The following LIFR variants were observed in gnomAD, a reference collection of about 807,000 sequenced individuals.
LIFR encodes the protein LIF receptor subunit alpha.
Under a neutral mutation model 122.2 loss-of-function variants are expected in LIFR, and 84 were observed. That is an observed-to-expected ratio of 0.69 (90% CI 0.58 to 0.82). The LOEUF (loss-of-function observed/expected upper bound fraction) is 0.82. LIFR is among the 40% of genes least tolerant of loss of function. The probability of loss-of-function intolerance (pLI) is 0.00; values close to 1 mark genes in which losing one functional copy is unlikely to be tolerated. For missense variants in LIFR, 1,294 were observed against 1,311.6 expected (o/e 0.99, Z 0.21); for synonymous variants, 422 against 434.7 (o/e 0.97, Z 0.36).
intron 1 of LIFR, among the ~76,000 whole-genome samples, chr5:38,540,884 C>A (rs991834039): frequency 3.2e-4 from 48 of 152,036 alleles, no homozygotes; most frequent in African/African-American, 1.0e-3. Context: ...TTAAAAAATT[C>A]TTGTCTTGCT....
chr5:38,478,952 G>C lies in LIFR; in HGVS notation c.*2643C>G, dbSNP rs562713423. 4.3e-6 allele frequency: 1 copy of C among 230,066 alleles called. No homozygotes were observed. The highest frequency in any genetic ancestry group is 8.6e-6 in the Non-Finnish European group (1 of 116,038). 14.3% of individuals were successfully genotyped at this position (230,066 alleles called of 1,614,324 possible). A position where few individuals can be genotyped will look rare whatever the true frequency, so the allele number is the denominator to read the frequency against. ...TTGTAGCTTCCAAGGGAGAAGCCACGAATCTAACTGGACAGAGCACAATCA... is the reference window on the plus strand; with the variant it reads ...TTGTAGCTTCCAAGGGAGAAGCCACCAATCTAACTGGACAGAGCACAATCA... On this transcript the variant is annotated 3_prime_UTR_variant, in exon 20 of 20. Transcript: ENST00000453190.
At chr5:38,567,880 A>G (rs1749079328) in intron 1 of LIFR, among the ~76,000 whole-genome samples, 1 of 152,072 alleles carries the variant, frequency 6.6e-6, no homozygotes, top group African/African-American at 2.4e-5. Context: ...CCCCCAGAGC[A>G]ACTTAGGAAC....
At position 38,511,930 on chromosome 5, in the gene LIFR, G is replaced by A. The variant is rs377651108; in HGVS notation, c.596C>T (p.Thr199Ile). 1 of 1,614,002 alleles carries A rather than the reference G, an allele frequency of 6.2e-7. No individual in the cohort carries two copies. Among genetic ancestry groups the A allele is most frequent in the Non-Finnish European group, 8.5e-7 (1 of 1,180,004 alleles). The change falls in exon 6 of 20, where the codon ACA (threonine) becomes ATA (isoleucine). Residue 199 changes from threonine to isoleucine, a missense_variant. Transcript: ENST00000453190. ...THNTTLNGKD[T>I]LHHWSWASDM... is the part of the protein sequence containing the mutation. Reference sequence around the variant, plus strand: ...TGAGGCCCAACTCCAGTGATGAAGTGTATCTTTGCCATTCAGAGTTGTGTT... The same window carrying A: ...TGAGGCCCAACTCCAGTGATGAAGTATATCTTTGCCATTCAGAGTTGTGTT...
At chr5:38,499,438 T>A in intron 12 of LIFR, 75 bp downstream of exon 12, 1 of 1,018,024 alleles carries the variant, frequency 9.8e-7, no homozygotes, top group East Asian at 2.4e-5. Flanking sequence ...AGCTCCTTGA[T>A]AACCCAAGTA....
rs1355660599 is a variant in LIFR at position 38,481,856 on chromosome 5, A to G, written c.3033T>C (p.Ser1011=). 1.9e-6 allele frequency: 3 copies of G among 1,614,056 alleles called. No individual in the cohort carries two copies. Among genetic ancestry groups the G allele is most frequent in the African/African-American group, 1.3e-5 (1 of 74,922 alleles). The part of the protein sequence containing the change: ...YKPQMHLPIN[S]TVEDIAAEED... ...CTTCTGCAGCTATATCTTCCACAGTAGAATTAATGGGGAGGTGCATCTGTG... is the reference window on the plus strand; with the variant it reads ...CTTCTGCAGCTATATCTTCCACAGTGGAATTAATGGGGAGGTGCATCTGTG... The change falls in exon 20 of 20, where the codon TCT becomes TCC. Residue 1011 remains serine (S), a synonymous_variant. Transcript: ENST00000453190.
chr5:38,576,525 C>T lies in LIFR; in HGVS notation c.-20+18736G>A, dbSNP rs73072804. Among the ~76,000 whole-genome samples, 764 of 152,272 alleles carry T rather than the reference C, an allele frequency of 5.0e-3. 11 individuals are homozygous for T. The highest frequency in any genetic ancestry group is 0.017 in the African/African-American group (715 of 41,552). On this transcript the variant is annotated intron_variant, in intron 1 of 19. Transcript: ENST00000263409. ...GCCTAGCTTTCCATGACAGACTTGCCAGCATTTTCTTGGTTCCACTTGACT... is the reference window on the plus strand; with the variant it reads ...GCCTAGCTTTCCATGACAGACTTGCTAGCATTTTCTTGGTTCCACTTGACT...
At chr5:38,582,614 A>C (rs1221338765) in intron 1 of LIFR, among the ~76,000 whole-genome samples, 1 of 152,212 alleles carries the variant, frequency 6.6e-6, no homozygotes, top group Non-Finnish European at 1.5e-5. Flanking sequence ...TTAAAAAGAC[A>C]AGGCCAGCAA....
intron 1 of LIFR, among the ~76,000 whole-genome samples, chr5:38,567,912 C>G (rs1231503435): frequency 6.6e-6 from 1 of 152,196 alleles, no homozygotes; most frequent in Non-Finnish European, 1.5e-5. Flanking sequence ...CTCATTCTCT[C>G]CCTACACCTC....
intron 1 of LIFR, among the ~76,000 whole-genome samples, chr5:38,569,364 C>CCTGCTCAGCAGGAGGTGAGAAGCAGGAGG (rs1402772280): frequency 8.3e-4 from 126 of 151,920 alleles, no homozygotes; most frequent in African/African-American, 2.6e-3. Flanking sequence ...TGTTAGGAAC[C>CCTGCTCAGCAGGAGGTGAGAAGCAGGAGG]CTGCTCAGCA....
At chr5:38,573,113 G>T (rs1281755582) in intron 1 of LIFR, among the ~76,000 whole-genome samples, 4 of 152,202 alleles carry the variant, frequency 2.6e-5, no homozygotes, top group Non-Finnish European at 4.4e-5. Context: ...GCTCACAAGA[G>T]CTTAATGTGT....
intron 1 of LIFR, among the ~76,000 whole-genome samples, chr5:38,569,570 G>A (rs1268717139): frequency 6.6e-6 from 1 of 152,124 alleles, no homozygotes; most frequent in Non-Finnish European, 1.5e-5. Context: ...TGTGATCTGA[G>A]GTGGAACAGT....
At chr5:38,502,438 T>C (rs922689753) in intron 11 of LIFR, among the ~76,000 whole-genome samples, 199 bp downstream of exon 11, 4 of 152,062 alleles carry the variant, frequency 2.6e-5, no homozygotes, top group Admixed American at 2.0e-4. Flanking sequence ...TTTGTATTTT[T>C]AGTAGAGATG....
At position 38,581,621 on chromosome 5, in the gene LIFR, A is replaced by G. The variant is rs570192903; in HGVS notation, c.-20+13640T>C. Among the ~76,000 whole-genome samples the G allele has an allele frequency of 2.6e-5, 4 of 152,258 alleles. No individual in the cohort carries two copies. The East Asian group carries it at 7.7e-4, about 29-fold the overall frequency. ...TTCCAAGAGTCTTCTTTTTTCTGGG[A>G]CTGAAGTGAAATGAGCAGGTCCTTT... On this transcript the variant is annotated intron_variant, in intron 1 of 19. Transcript: ENST00000263409.
intron 5 of LIFR, among the ~76,000 whole-genome samples, chr5:38,520,077 A>T (rs971835644): frequency 6.6e-6 from 1 of 152,166 alleles, no homozygotes; most frequent in Non-Finnish European, 1.5e-5. Flanking sequence ...ACTAATTTAC[A>T]TTCCCAGTCG....
At chr5:38,605,853 G>T (rs1021656675) in intron 2 of LIFR, among the ~76,000 whole-genome samples, 1 of 152,056 alleles carries the variant, frequency 6.6e-6, no homozygotes, top group Non-Finnish European at 1.5e-5. Flanking sequence ...GAGTTGTCCC[G>T]CCTTTCCAGA....
upstream of LIFR, among the ~76,000 whole-genome samples, chr5:38,599,179 G>A (rs977447590): frequency 2.0e-5 from 3 of 152,158 alleles, no homozygotes; most frequent in Non-Finnish European, 2.9e-5. Flanking sequence ...AGTGAGTCAG[G>A]GATAAGGGTT....
intron 13 of LIFR, among the ~76,000 whole-genome samples, chr5:38,495,616 A>C (rs1204957726): frequency 6.6e-6 from 1 of 152,184 alleles, no homozygotes; most frequent in African/African-American, 2.4e-5. Context: ...AACTGGACCA[A>C]TTTTTCTTCC....
intron 1 of LIFR, among the ~76,000 whole-genome samples, chr5:38,568,775 C>T (rs150726321): frequency 3.7e-4 from 57 of 152,240 alleles, no homozygotes; most frequent in Admixed American, 2.6e-3. Flanking sequence ...GCAGGTTGAG[C>T]GTCCCAGGAT....
chr5:38,604,015 C>T (rs896340595), intron 2 of LIFR, among the ~76,000 whole-genome samples: 1 of 152,210 alleles, frequency 6.6e-6, no homozygotes, highest in Middle Eastern at 3.2e-3. Context: ...ATCTCATGGA[C>T]TCTAAGAGGC....
Sources: allele counts gnomAD v4.1 joint callset (sites outside exome capture counted in the v4.1 genomes callset), GRCh38; gene constraint gnomAD v4.1.1; transcripts MANE v1.5; gene names NCBI Gene and HGNC (gene_info 2026-07-23, HGNC 2026-07-21).